SCNN1G: variants seen among roughly 807,000 people sequenced by gnomAD.
SCNN1G encodes the protein sodium channel epithelial 1 subunit gamma.
In SCNN1G, 27 loss-of-function variants were observed where a neutral mutation model predicts 64.6. The observed-to-expected ratio is 0.42, with a 90% CI of 0.31 to 0.58. The LOEUF (loss-of-function observed/expected upper bound fraction) is 0.58, where lower values mean the gene tolerates loss of function less well. Among genes scored for constraint, SCNN1G ranks in the 20% least tolerant of loss-of-function variants. SCNN1G has a pLI of 0.18. For synonymous variants in SCNN1G, 330 were observed against 314.2 expected (o/e 1.05, Z -0.53); for missense variants, 743 against 823.4 (o/e 0.90, Z 1.19).
Position 23,189,437 on chromosome 16 carries a change from G to C in SCNN1G, c.384G>C (p.Leu128=). Residue 128 remains leucine (L), a synonymous_variant, in exon 3 of 13, where the codon CTG becomes CTC. Coordinates refer to ENST00000300061, the MANE Select transcript of SCNN1G (RefSeq NM_001039.4). ...AGACCAGAGAGGCCCTGAAGTCCCT[G>C]TATGGCTTTCCAGAGTCCCGGAAGC... ...EQETREALKS[L]YGFPESRKRR... 1 of 1,614,206 alleles carries C rather than the reference G, an allele frequency of 6.2e-7. No homozygotes were observed. The highest frequency in any genetic ancestry group is 8.5e-7 in the Non-Finnish European group (1 of 1,180,040).
chr16:23,200,786 C>T (rs1348866236), intron 6 of SCNN1G, among the ~76,000 whole-genome samples: 2 of 152,180 alleles, frequency 1.3e-5, no homozygotes, highest in Non-Finnish European at 2.9e-5. Context: ...AGATGAGGTT[C>T]AAGGAAGGCT....
At chr16:23,186,918 C>A (rs970828370) in intron 2 of SCNN1G, among the ~76,000 whole-genome samples, 1 of 151,942 alleles carries the variant, frequency 6.6e-6, no homozygotes, top group Non-Finnish European at 1.5e-5. Flanking sequence ...TTCTAACAAT[C>A]CTCCCGAGTA....
chr16:23,190,598 C>T (rs144228336), intron 3 of SCNN1G, among the ~76,000 whole-genome samples: 2,020 of 152,212 alleles, frequency 0.013, 105 homozygotes, highest in Admixed American at 0.11. Flanking sequence ...GTTGGTCAAG[C>T]TTGGGTCACC....
At chr16:23,185,864 C>A (rs72646484) in intron 1 of SCNN1G, among the ~76,000 whole-genome samples, 75 of 152,290 alleles carry the variant, frequency 4.9e-4, no homozygotes, top group Middle Eastern at 3.4e-3. Flanking sequence ...GGCACGGGTA[C>A]CCCTGCCTGA....
chr16:23,194,323 A>C, intron 5 of SCNN1G, 49 bp downstream of exon 5: 1 of 1,287,250 alleles, frequency 7.8e-7, no homozygotes, highest in Non-Finnish European at 1.1e-6. Context: ...AATAGTGGAC[A>C]TGGGGGCAGC....
chr16:23,202,890 GT>G (rs2141938412), intron 6 of SCNN1G, among the ~76,000 whole-genome samples: 1 of 152,280 alleles, frequency 6.6e-6, no homozygotes, highest in East Asian at 1.9e-4. Context: ...GACCCAATTT[GT>G]TATGCCTTTG....
intron 4 of SCNN1G, among the ~76,000 whole-genome samples, chr16:23,193,084 A>C (rs538888863): frequency 6.1e-4 from 92 of 151,188 alleles, no homozygotes; most frequent in South Asian, 2.9e-3. Context: ...AAAAAAAAAA[A>C]AAAAAAAAAA....
intron 1 of SCNN1G, among the ~76,000 whole-genome samples, chr16:23,183,511 TG>T (rs1372665611): frequency 6.6e-6 from 1 of 151,966 alleles, no homozygotes; most frequent in African/African-American, 2.4e-5. Flanking sequence ...CACTGTGGGA[TG>T]GGGGACAGGC....
At chr16:23,190,667 T>C (rs1959692228) in intron 3 of SCNN1G, among the ~76,000 whole-genome samples, 1 of 152,010 alleles carries the variant, frequency 6.6e-6, no homozygotes, top group African/African-American at 2.4e-5. Flanking sequence ...CACCAGGCTG[T>C]ATCCAGAGGG....
At chr16:23,190,945 G>A (rs1483497495) in intron 3 of SCNN1G, among the ~76,000 whole-genome samples, 1 of 142,134 alleles carries the variant, frequency 7.0e-6, no homozygotes, top group Non-Finnish European at 1.5e-5. Flanking sequence ...CCGGGTTCAA[G>A]TGATTCTCCT....
intron 5 of SCNN1G, chr16:23,196,398 C>G (rs1959795771): frequency 6.6e-6 from 1 of 152,114 alleles, no homozygotes; most frequent in Admixed American, 6.6e-5. Context: ...GCTGTATCAT[C>G]ATCACCTTGA....
rs547204834 is a variant in SCNN1G at position 23,188,413 on chromosome 16, G to A, written c.318-958G>A. ...CATAGTCCCAGCAACTTAGGAGGCT[G>A]AAGTGGGAGGATTGCTTGAGCCCAG... On this transcript the variant is annotated intron_variant, in intron 2 of 12. Coordinates refer to ENST00000300061, the MANE Select transcript of SCNN1G (RefSeq NM_001039.4). 2.0e-5 allele frequency among the ~76,000 whole-genome samples: 3 copies of A among 152,192 alleles called. No homozygotes were observed. The South Asian group carries it at 6.2e-4, about 32-fold the overall frequency.
chr16:23,204,312 T>TATATATATATATATATAC (rs1959946409), intron 6 of SCNN1G, among the ~76,000 whole-genome samples: 1 of 79,890 alleles, frequency 1.3e-5, no homozygotes, highest in Non-Finnish European at 2.5e-5. Context: ...TATATATATA[T>TATATATATATATATATAC]ATATATATAT....
intron 6 of SCNN1G, among the ~76,000 whole-genome samples, chr16:23,203,769 CAAA>C (rs71151702): frequency 4.7e-5 from 2 of 42,266 alleles, no homozygotes; most frequent in Non-Finnish European, 7.3e-5. Context: ...GACTCCGTCT[CAAA>C]AAAAAAAAAA....
At chr16:23,187,913 G>T (rs534307035) in intron 2 of SCNN1G, among the ~76,000 whole-genome samples, 1 of 152,250 alleles carries the variant, frequency 6.6e-6, no homozygotes, top group East Asian at 1.9e-4. Context: ...AAACTAACTT[G>T]TCCAGAATCG....
At chr16:23,205,777 C>T (rs148994705) in intron 6 of SCNN1G, among the ~76,000 whole-genome samples, 9 of 152,134 alleles carry the variant, frequency 5.9e-5, no homozygotes. Context: ...CCATCCCCAG[C>T]CTGGCCATCC....
chr16:23,203,479 C>G (rs570576489), intron 6 of SCNN1G, among the ~76,000 whole-genome samples: 1 of 152,008 alleles, frequency 6.6e-6, no homozygotes. Flanking sequence ...AGGGATTAAG[C>G]GCTCTGATGG....
chr16:23,189,441 G>C lies in SCNN1G; in HGVS notation c.388G>C (p.Gly130Arg), dbSNP rs372056840. The change falls in exon 3 of 13, where the codon GGC (glycine) becomes CGC (arginine). Residue 130 changes from glycine to arginine, a missense_variant. Transcript: ENST00000300061. ...CAGAGAGGCCCTGAAGTCCCTGTAT[G>C]GCTTTCCAGAGTCCCGGAAGCGCCG... ...ETREALKSLY[G>R]FPESRKRREA... 1 of 1,614,056 alleles carries C rather than the reference G, an allele frequency of 6.2e-7. No homozygotes were observed. The highest frequency in any genetic ancestry group is 8.5e-7 in the Non-Finnish European group (1 of 1,180,034).
At chr16:23,184,633 G>A (rs1959576488) in intron 1 of SCNN1G, among the ~76,000 whole-genome samples, 1 of 152,092 alleles carries the variant, frequency 6.6e-6, no homozygotes, top group South Asian at 2.1e-4. Context: ...TCCATGCCCA[G>A]CACTCCATTT....
Sources: gnomAD v4.1 joint callset for allele counts (sites outside exome capture counted in the v4.1 genomes callset) on GRCh38, gnomAD v4.1.1 for gene constraint, MANE v1.5 for transcripts, NCBI Gene and HGNC (gene_info 2026-07-23, HGNC 2026-07-21) for gene names.